The following KCNIP4 variants were observed in gnomAD, a reference collection of about 807,000 sequenced individuals.
KCNIP4 encodes potassium voltage-gated channel interacting protein 4.
A neutral mutation model predicts 34.0 loss-of-function variants in KCNIP4; 12 were observed. The ratio of observed to expected loss-of-function variants is 0.35; its 90% CI spans 0.23 to 0.57. The LOEUF (loss-of-function observed/expected upper bound fraction) is 0.57, where lower values mean the gene tolerates loss of function less well. KCNIP4 is among the 20% of genes least tolerant of loss of function. The pLI is 0.83. For missense variants in KCNIP4, 238 were observed against 311.7 expected (o/e 0.76, Z 1.78); for synonymous variants, 124 against 102.2 (o/e 1.21, Z -1.29).
intron 1 of KCNIP4, among the ~76,000 whole-genome samples, chr4:21,860,290 C>T (rs1478076150): frequency 1.3e-5 from 2 of 152,008 alleles, no homozygotes; most frequent in Non-Finnish European, 2.9e-5. Flanking sequence ...TGTGCCACCA[C>T]ACCCGGCTGA....
intron 1 of KCNIP4, among the ~76,000 whole-genome samples, chr4:20,949,845 C>A (rs1310812107): frequency 1.0e-5 from 1 of 97,836 alleles, no homozygotes; most frequent in Non-Finnish European, 1.9e-5. Context: ...ACGTCACACT[C>A]TGGGGACGGT....
chr4:21,870,104 T>G (rs12054593), intron 1 of KCNIP4, among the ~76,000 whole-genome samples: 54,923 of 151,944 alleles, frequency 0.36, 11,931 homozygotes, highest in East Asian at 0.64. Flanking sequence ...AGAAGCCCAG[T>G]GGACTCTAGG....
intron 3 of KCNIP4, among the ~76,000 whole-genome samples, chr4:20,794,018 G>A (rs1464043372): frequency 6.6e-6 from 1 of 152,104 alleles, no homozygotes; most frequent in Non-Finnish European, 1.5e-5. Flanking sequence ...AGATCTGATG[G>A]TTTTAAAAAG....
intron 1 of KCNIP4, among the ~76,000 whole-genome samples, chr4:21,774,061 C>T (rs1031921011): frequency 1.3e-5 from 2 of 151,910 alleles, no homozygotes; most frequent in Admixed American, 6.6e-5. Flanking sequence ...GCTGTTTTTG[C>T]GGTGACTGGT....
intron 1 of KCNIP4, among the ~76,000 whole-genome samples, chr4:21,698,124 A>G (rs2109058532): frequency 6.6e-6 from 1 of 152,296 alleles, no homozygotes; most frequent in Non-Finnish European, 1.5e-5. Flanking sequence ...AGACTTGACG[A>G]TTTACCACCA....
intron 1 of KCNIP4, among the ~76,000 whole-genome samples, chr4:21,925,304 A>G (rs1326621142): frequency 2.1e-5 from 3 of 140,722 alleles, no homozygotes; most frequent in East Asian, 2.2e-4. Context: ...TCATTGTTCA[A>G]TTCCCACCTA....
chr4:21,108,156 A>G (rs1748762488), intron 1 of KCNIP4, among the ~76,000 whole-genome samples: 1 of 151,364 alleles, frequency 6.6e-6, no homozygotes, highest in African/African-American at 2.5e-5. Context: ...CTGCCTTGCT[A>G]GATTTGGGAA....
chr4:21,840,259 G>A (rs1405505674), intron 1 of KCNIP4, among the ~76,000 whole-genome samples: 4 of 151,454 alleles, frequency 2.6e-5, no homozygotes, highest in East Asian at 1.9e-4. Flanking sequence ...ATGTCATTCC[G>A]GTGATGGGTC....
In KCNIP4 at chr4:21,719,488, A is replaced by G. The variant is rs192078577; in HGVS notation, c.61+229083T>C. 6.8e-4 allele frequency among the ~76,000 whole-genome samples: 104 copies of G among 152,310 alleles called. 2 individuals are homozygous for G. Among genetic ancestry groups the G allele is most frequent in the Admixed American group, 5.2e-4 (8 of 15,292 alleles). On this transcript the variant is annotated intron_variant, in intron 1 of 8. Transcript: ENST00000382152. Reference sequence around the variant, plus strand: ...TGGTACTTCATCAGGACCAAGTTTTATGTTACCATCTCAAGGGAGCTAAGT... The same window carrying G: ...TGGTACTTCATCAGGACCAAGTTTTGTGTTACCATCTCAAGGGAGCTAAGT...
chr4:21,793,120 A>G (rs1437555071), intron 1 of KCNIP4, among the ~76,000 whole-genome samples: 1 of 152,218 alleles, frequency 6.6e-6, no homozygotes, highest in East Asian at 1.9e-4. Flanking sequence ...ACCAAAGCCT[A>G]AAATGAGTTT....
intron 1 of KCNIP4, among the ~76,000 whole-genome samples, chr4:21,520,793 T>C (rs1301649715): frequency 6.6e-6 from 1 of 152,194 alleles, no homozygotes; most frequent in Non-Finnish European, 1.5e-5. Flanking sequence ...CTTGTTTCAA[T>C]ATACTTTATC....
At chr4:21,459,057 A>C (rs1451514801) in intron 1 of KCNIP4, among the ~76,000 whole-genome samples, 2 of 151,854 alleles carry the variant, frequency 1.3e-5, no homozygotes, top group Non-Finnish European at 1.5e-5. Context: ...TTATCTTTTA[A>C]CCATCATCAT....
chr4:20,849,448 G>A (rs1320535380), intron 3 of KCNIP4, among the ~76,000 whole-genome samples: 1 of 152,122 alleles, frequency 6.6e-6, no homozygotes, highest in African/African-American at 2.4e-5. Flanking sequence ...TCAACTACCG[G>A]TATGAATTCT....
At chr4:20,732,929 C>A in intron 6 of KCNIP4, 144 bp from the exon 7 acceptor site, 3 of 574,462 alleles carry the variant, frequency 5.2e-6, no homozygotes, top group Non-Finnish European at 9.2e-6. Flanking sequence ...GTTGGTTGTC[C>A]CAAAGGAAAA....
At chr4:21,260,768 G>A (rs1375856444) in intron 1 of KCNIP4, among the ~76,000 whole-genome samples, 1 of 152,082 alleles carries the variant, frequency 6.6e-6, no homozygotes, top group African/African-American at 2.4e-5. Context: ...CCCATGAGAT[G>A]GAATATTTTT....
chr4:21,570,541 G>T (rs1740283088), intron 1 of KCNIP4, among the ~76,000 whole-genome samples: 1 of 152,116 alleles, frequency 6.6e-6, no homozygotes, highest in Admixed American at 6.5e-5. Flanking sequence ...AGTCTAAAAA[G>T]GGAGGACAGG....
At position 21,488,090 on chromosome 4, in the gene KCNIP4, T is replaced by C. The variant is rs758358463; in HGVS notation, c.61+460481A>G. 2.0e-5 allele frequency among the ~76,000 whole-genome samples: 3 copies of C among 152,156 alleles called. No homozygotes were observed. In the South Asian group the frequency reaches 6.2e-4, roughly 32 times the overall value. On this transcript the variant is annotated intron_variant, in intron 1 of 8. Coordinates refer to ENST00000382152, the MANE Select transcript of KCNIP4 (RefSeq NM_025221.6). ...TTAATTGACATAGAAGGAGAATATA[T>C]GTCTGCATACTAACCCATCTATATG...
At chr4:21,026,245 T>A (rs1194452730) in intron 1 of KCNIP4, among the ~76,000 whole-genome samples, 2 of 152,210 alleles carry the variant, frequency 1.3e-5, no homozygotes, top group African/African-American at 4.8e-5. Context: ...TTTCTAGTTC[T>A]CAGAGAAGCC....
intron 1 of KCNIP4, among the ~76,000 whole-genome samples, chr4:21,910,962 A>G (rs1728273380): frequency 6.6e-6 from 1 of 152,138 alleles, no homozygotes; most frequent in Admixed American, 6.6e-5. Flanking sequence ...TCTGCTATTC[A>G]TTTTTTAAAA....
Sources: allele counts gnomAD v4.1 joint callset (sites outside exome capture counted in the v4.1 genomes callset), GRCh38; gene constraint gnomAD v4.1.1; transcripts MANE v1.5; gene names NCBI Gene and HGNC (gene_info 2026-07-23, HGNC 2026-07-21).